NPY1R: variants seen among roughly 807,000 people sequenced by gnomAD.
NPY1R encodes the protein neuropeptide Y receptor Y1.
A neutral mutation model predicts 24.1 loss-of-function variants in NPY1R; 10 were observed. The ratio of observed to expected loss-of-function variants is 0.42; its 90% CI spans 0.26 to 0.71. The LOEUF is 0.71. NPY1R is among the 30% of genes least tolerant of loss of function. NPY1R has a pLI of 0.28. For synonymous variants in NPY1R, 168 were observed against 165.9 expected (o/e 1.01, Z -0.10); for missense variants, 350 against 458.0 (o/e 0.76, Z 2.15).
rs1394751352 is a variant in NPY1R, at chr4:163,325,471, T to C, written c.987A>G (p.Arg329=). The part of the protein sequence containing the change: ...FYGFLNKNFQ[R]DLQFFFNFCD... ...AAAAGTTGAAGAAGAACTGCAAGTC[T>C]CTCTGGAAGTTTTTGTTCAGGAACC... is the stretch of plus-strand genomic sequence containing the variant. The change falls in exon 3 of 3, where the codon AGA becomes AGG. Residue 329 remains arginine (R), a synonymous_variant. Transcript: ENST00000296533. 1 of 1,614,128 alleles carries C rather than the reference T, an allele frequency of 6.2e-7. No homozygotes were observed. The highest frequency in any genetic ancestry group is 2.2e-5 in the East Asian group (1 of 44,882).
chr4:163,338,434 C>T (rs1224451018), intron 1 of NPY1R, among the ~76,000 whole-genome samples: 1 of 152,204 alleles, frequency 6.6e-6, no homozygotes, highest in Non-Finnish European at 1.5e-5. Flanking sequence ...CAGCTCCCTT[C>T]AGAGGACTCT....
intron 1 of NPY1R, among the ~76,000 whole-genome samples, chr4:163,341,688 C>T (rs1271247388): frequency 2.6e-5 from 4 of 152,100 alleles, no homozygotes; most frequent in African/African-American, 9.7e-5. Flanking sequence ...TTGTAACATG[C>T]ATAAAATCCA....
At chr4:163,338,890 C>T (rs1734909776) in intron 1 of NPY1R, among the ~76,000 whole-genome samples, 1 of 152,088 alleles carries the variant, frequency 6.6e-6, no homozygotes, top group Non-Finnish European at 1.5e-5. Flanking sequence ...AAGAATTGTC[C>T]CATGTATTCC....
At position 163,325,558 on chromosome 4, in the gene NPY1R, C is replaced by G. The variant is rs1734585232; in HGVS notation, c.900G>C (p.Leu300=). The G allele has an allele frequency of 2.0e-5, 32 of 1,613,930 alleles. No individual in the cohort carries two copies. Among genetic ancestry groups the G allele is most frequent in the Non-Finnish European group, 2.7e-5 (32 of 1,179,978 alleles). ...HQIIATCNHN[L]LFLLCHLTAM... ...CTGTGAGGTGGCAGAGCAGGAATAA[C>G]AGATTGTGGTTGCAGGTAGCAATGA... is the stretch of plus-strand genomic sequence containing the variant. Residue 300 remains leucine (L), a synonymous_variant, in exon 3 of 3, where the codon CTG becomes CTC. Coordinates refer to ENST00000296533, the MANE Select transcript of NPY1R (RefSeq NM_000909.6).
chr4:163,334,238 T>C (rs1028003438), upstream of NPY1R, among the ~76,000 whole-genome samples: 3 of 152,256 alleles, frequency 2.0e-5, no homozygotes, highest in Non-Finnish European at 2.9e-5. Flanking sequence ...AATGAAGTAA[T>C]TTAATTCTCT....
At position 163,325,420 on chromosome 4, in the gene NPY1R, A is replaced by C. The variant is rs1345005308; in HGVS notation, c.1038T>G (p.Asp346Glu). 2 of 1,614,164 alleles carry C rather than the reference A, an allele frequency of 1.2e-6. No homozygotes were observed. ...NFCDFRSRDD[D>E]YETIAMSTMH... The stretch of plus-strand genomic sequence containing the variant: ...TCGTGGACATGGCTATTGTTTCATA[A>C]TCATCATCCCGAGACCGGAAATCAC... Residue 346 changes from aspartate (D) to glutamate (E), a missense_variant, in exon 3 of 3, where the codon GAT becomes GAG. Transcript: ENST00000296533.
upstream of NPY1R, among the ~76,000 whole-genome samples, chr4:163,333,883 T>C (rs961957318): frequency 3.3e-5 from 5 of 152,188 alleles, no homozygotes; most frequent in Non-Finnish European, 2.9e-5. Flanking sequence ...AATTAAAATG[T>C]CATGATTATG....
rs1734550068 is a variant in NPY1R at position 163,324,184 on chromosome 4, A to G, written c.*1119T>C. 1 of 152,664 alleles carries G rather than the reference A, an allele frequency of 6.6e-6. No individual in the cohort carries two copies. Among genetic ancestry groups the G allele is most frequent in the African/African-American group, 2.4e-5 (1 of 41,458 alleles). The allele number at this position is 152,664 out of a possible 1,614,324, so 9.5% of individuals were successfully genotyped here. A position where few individuals can be genotyped will look rare whatever the true frequency, so the allele number is the denominator to read the frequency against. ...TAATCTTTACAGTGCATTATTTATA[A>G]GACGCCACAAGTCACACAGTTTATA... On this transcript the variant is annotated 3_prime_UTR_variant, in exon 3 of 3. Coordinates refer to ENST00000296533, the MANE Select transcript of NPY1R (RefSeq NM_000909.6).
chr4:163,329,324 G>T (rs1734676588), intron 1 of NPY1R, among the ~76,000 whole-genome samples: 1 of 152,152 alleles, frequency 6.6e-6, no homozygotes, highest in Non-Finnish European at 1.5e-5. Context: ...AGGGACTGGG[G>T]CCGGGCGAGG....
intron 1 of NPY1R, among the ~76,000 whole-genome samples, chr4:163,339,197 T>C (rs1346727508): frequency 6.6e-6 from 1 of 152,192 alleles, no homozygotes; most frequent in Non-Finnish European, 1.5e-5. Flanking sequence ...ACCATTTACA[T>C]GATTCTGAAT....
At chr4:163,329,480 A>G (rs1734679768) in intron 1 of NPY1R, among the ~76,000 whole-genome samples, 1 of 152,064 alleles carries the variant, frequency 6.6e-6, no homozygotes, top group South Asian at 2.1e-4. Flanking sequence ...GCACACCTGT[A>G]GTCCCAGCTA....
chr4:163,340,115 A>C (rs1037480743), intron 1 of NPY1R, among the ~76,000 whole-genome samples: 1 of 152,118 alleles, frequency 6.6e-6, no homozygotes. Flanking sequence ...AGCTATATTT[A>C]GACTTATAAT....
intron 1 of NPY1R, among the ~76,000 whole-genome samples, chr4:163,338,683 A>T (rs1734905218): frequency 6.6e-6 from 1 of 152,158 alleles, no homozygotes; most frequent in Non-Finnish European, 1.5e-5. Flanking sequence ...AATCCACCAG[A>T]GATCCCAATC....
At chr4:163,336,300 CAA>C (rs1157710835), upstream of NPY1R, among the ~76,000 whole-genome samples, 1 of 151,248 alleles carries the variant, frequency 6.6e-6, no homozygotes, top group East Asian at 1.9e-4. Flanking sequence ...TTTAGACATT[CAA>C]AAAAAAGTGT....
At chr4:163,327,651 G>A (rs965996585) in intron 1 of NPY1R, among the ~76,000 whole-genome samples, 7 of 152,108 alleles carry the variant, frequency 4.6e-5, no homozygotes, top group Non-Finnish European at 1.0e-4. Context: ...TATTATTTAT[G>A]TAAATATCTT....
At chr4:163,337,829 C>A (rs1055087517), upstream of NPY1R, among the ~76,000 whole-genome samples, 5 of 152,200 alleles carry the variant, frequency 3.3e-5, no homozygotes, top group Non-Finnish European at 7.3e-5. Flanking sequence ...TCTTCCCTAG[C>A]TGCTTCTCTT....
In NPY1R at chr4:163,326,294, C is replaced by A; in HGVS notation, c.261G>T (p.Leu87Phe). 1 of 1,614,110 alleles carries A rather than the reference C, an allele frequency of 6.2e-7. No individual in the cohort carries two copies. ...ILIVNLSFSD[L>F]LVAIMCLPFT... ...AGGGGAGACACATGATGGCAACAAG[C>A]AAGTCTGAGAAGGAAAGGTTCACAA... Residue 87 changes from leucine to phenylalanine, a missense_variant, in exon 2 of 3, where the codon TTG becomes TTT. Coordinates refer to ENST00000296533, the MANE Select transcript of NPY1R (RefSeq NM_000909.6).
chr4:163,325,923 T>C lies in NPY1R; in HGVS notation c.632A>G (p.Tyr211Cys). The C allele has an allele frequency of 6.2e-7, 1 of 1,614,070 alleles. No individual in the cohort carries two copies. The highest frequency in any genetic ancestry group is 8.5e-7 in the Non-Finnish European group (1 of 1,179,964). ...QFPSDSHRLS[Y>C]TTLLLVLQYF... Reference sequence around the variant, plus strand: ...CTGCAGCACCAAGAGGAGAGTGGTATAAGACAACCTATGAGAGTCCGATGG... The same window carrying C: ...CTGCAGCACCAAGAGGAGAGTGGTACAAGACAACCTATGAGAGTCCGATGG... The change falls in exon 2 of 3, where the codon TAT (tyrosine) becomes TGT (cysteine). Residue 211 changes from tyrosine to cysteine, a missense_variant. Transcript: ENST00000296533.
At chr4:163,327,898 C>T (rs923742792) in intron 1 of NPY1R, among the ~76,000 whole-genome samples, 6 of 152,074 alleles carry the variant, frequency 3.9e-5, no homozygotes, top group African/African-American at 1.4e-4. Context: ...AATTAACAGG[C>T]CATCATGCTT....
Sources: allele counts gnomAD v4.1 joint callset (sites outside exome capture counted in the v4.1 genomes callset), GRCh38; gene constraint gnomAD v4.1.1; transcripts MANE v1.5; gene names NCBI Gene and HGNC (gene_info 2026-07-23, HGNC 2026-07-21).